Variants in ENTREP2 observed in about 807,000 individuals in gnomAD.
The protein encoded by ENTREP2 is protein ENTREP2.
the ENTREP2 span, among the ~76,000 whole-genome samples, chr15:29,353,380 C>G: frequency 1.3e-5 from 2 of 152,184 alleles, no homozygotes; most frequent in Non-Finnish European, 2.9e-5. Flanking sequence ...AGGAGAGGAG[C>G]TCATTCCTGA....
the ENTREP2 span, chr15:29,234,425 G>C: frequency 6.6e-7 from 1 of 1,513,746 alleles, no homozygotes; most frequent in South Asian, 1.1e-5. Context: ...AACCATTCCA[G>C]TAGTCCCTCG....
At chr15:29,264,386 T>C in the ENTREP2 span, among the ~76,000 whole-genome samples, 1 of 152,048 alleles carries the variant, frequency 6.6e-6, no homozygotes, top group African/African-American at 2.4e-5. Context: ...TCCACACAAG[T>C]TATTTGTTTA....
chr15:29,371,698 G>C, the ENTREP2 span, among the ~76,000 whole-genome samples: 3 of 152,164 alleles, frequency 2.0e-5, no homozygotes, highest in African/African-American at 7.2e-5. Context: ...ATAACTGTCT[G>C]TCAAAATAAA....
the ENTREP2 span, among the ~76,000 whole-genome samples, chr15:29,158,947 A>G: frequency 2.0e-5 from 3 of 150,932 alleles, no homozygotes; most frequent in Non-Finnish European, 4.5e-5. Flanking sequence ...TATGGATATT[A>G]ATAATAAGAT....
the ENTREP2 span, among the ~76,000 whole-genome samples, chr15:29,207,315 C>A: frequency 1.3e-5 from 2 of 152,108 alleles, no homozygotes; most frequent in African/African-American, 4.8e-5. Context: ...AAGAATGAGG[C>A]CGCAGACGTT....
the ENTREP2 span, among the ~76,000 whole-genome samples, chr15:29,640,661 A>AACAAAACAAAACAAAAC: frequency 6.6e-6 from 1 of 151,992 alleles, no homozygotes; most frequent in African/African-American, 2.4e-5. Context: ...AACAAAACAA[A>AACAAAACAAAACAAAAC]ACAAAACAAA....
chr15:29,238,651 G>A, the ENTREP2 span, among the ~76,000 whole-genome samples: 6 of 151,858 alleles, frequency 4.0e-5, no homozygotes, highest in Admixed American at 2.6e-4. Context: ...AAAAAAAGAG[G>A]TTTAATTGGC....
the ENTREP2 span, among the ~76,000 whole-genome samples, chr15:29,200,981 T>G: frequency 6.6e-6 from 1 of 152,366 alleles, no homozygotes; most frequent in Admixed American, 6.5e-5. Flanking sequence ...AGATTTACAC[T>G]TATGTATCTT....
At chr15:29,603,315 A>T in the ENTREP2 span, among the ~76,000 whole-genome samples, 1,649 of 152,312 alleles carry the variant, frequency 0.011, 23 homozygotes, top group African/African-American at 0.037. Context: ...CAGCATCTGC[A>T]GGGAACTTGT....
At chr15:29,563,832 G>A in the ENTREP2 span, among the ~76,000 whole-genome samples, 1 of 93,112 alleles carries the variant, frequency 1.1e-5, no homozygotes, top group Non-Finnish European at 2.4e-5. Flanking sequence ...GCGAGACTCT[G>A]CCTCAAAAAT....
the ENTREP2 span, among the ~76,000 whole-genome samples, chr15:29,236,602 T>C: frequency 2.0e-5 from 3 of 152,190 alleles, no homozygotes; most frequent in Admixed American, 1.3e-4. Flanking sequence ...TGAGCTATGA[T>C]TGTGCCACTG....
the ENTREP2 span, among the ~76,000 whole-genome samples, chr15:29,618,053 CTCTT>C: frequency 8.6e-3 from 1,307 of 152,334 alleles, 22 homozygotes; most frequent in African/African-American, 0.03. Context: ...GGCTGCCTAT[CTCTT>C]TCTTAGAGTC....
the ENTREP2 span, among the ~76,000 whole-genome samples, chr15:29,387,861 A>C: frequency 1.3e-5 from 2 of 152,194 alleles, no homozygotes; most frequent in Non-Finnish European, 2.9e-5. Context: ...CAAAAACAAG[A>C]AATGGGGAAA....
At chr15:29,221,400 C>T in the ENTREP2 span, among the ~76,000 whole-genome samples, 2 of 152,062 alleles carry the variant, frequency 1.3e-5, no homozygotes, top group South Asian at 4.2e-4. Flanking sequence ...CAGGGTTTCA[C>T]TGTGTTGGCC....
At chr15:29,449,713 C>T in the ENTREP2 span, among the ~76,000 whole-genome samples, 25 of 152,204 alleles carry the variant, frequency 1.6e-4, no homozygotes, top group Admixed American at 6.5e-5. Context: ...AATGTGGCAG[C>T]TTAAGACTCA....
the ENTREP2 span, among the ~76,000 whole-genome samples, chr15:29,209,603 G>C: frequency 6.6e-6 from 1 of 152,324 alleles, no homozygotes. Context: ...TTCCCACAGA[G>C]AGAGAAGGAC....
At chr15:29,517,629 T>C in the ENTREP2 span, among the ~76,000 whole-genome samples, 8 of 152,236 alleles carry the variant, frequency 5.3e-5, no homozygotes, top group African/African-American at 1.7e-4. Context: ...AAACTTACCA[T>C]TTATCCTGAA....
At chr15:29,362,465 C>T in the ENTREP2 span, among the ~76,000 whole-genome samples, 166 of 149,436 alleles carry the variant, frequency 1.1e-3, 2 homozygotes, top group Non-Finnish European at 2.2e-4. Flanking sequence ...ACTTCCGCCT[C>T]CCGGGTTCAA....
the ENTREP2 span, chr15:29,570,565 C>T: frequency 1.4e-6 from 2 of 1,469,670 alleles, no homozygotes; most frequent in South Asian, 1.3e-5. Context: ...TGAGCGCCAG[C>T]GCGGCGAAGC....
Sources: gnomAD v4.1 joint callset for allele counts (sites outside exome capture counted in the v4.1 genomes callset) on GRCh38, gnomAD v4.1.1 for gene constraint, MANE v1.5 for transcripts, NCBI Gene and HGNC (gene_info 2026-07-23, HGNC 2026-07-21) for gene names.